NINL: variants seen among roughly 807,000 people sequenced by gnomAD.
NINL encodes ninein-like protein.
NINL carries 153 observed loss-of-function variants against 160.3 expected under a neutral mutation model. The observed-to-expected ratio is 0.95, with a 90% CI of 0.84 to 1.09. NINL has a LOEUF of 1.09. Among genes scored for constraint, NINL ranks in the 50% least tolerant of loss-of-function variants. NINL has a pLI of 0.00. For missense variants in NINL, 1,829 were observed against 1,764.0 expected (o/e 1.04, Z -0.66); for synonymous variants, 800 against 734.8 (o/e 1.09, Z -1.43).
intron 7 of NINL, among the ~76,000 whole-genome samples, chr20:25,503,442 GCACCTGAGCAGCACGTTCCT>G (rs1264120601): frequency 7.9e-6 from 1 of 125,828 alleles, no homozygotes; most frequent in African/African-American, 3.1e-5. Flanking sequence ...CAGGAGGTGG[GCACCTGAGCAGCACGTTCCT>G]CACCTGAGCA....
In NINL at chr20:25,453,280, C is replaced by T. The variant is rs2090576692; in HGVS notation, c.*171G>A. 1 of 503,692 alleles carries T rather than the reference C, an allele frequency of 2.0e-6. No homozygotes were observed. Among genetic ancestry groups the T allele is most frequent in the Admixed American group, 4.0e-5 (1 of 25,110 alleles). The allele number at this position is 503,692 out of a possible 1,614,324, so 31.2% of individuals were successfully genotyped here. On this transcript the variant is annotated 3_prime_UTR_variant, in exon 24 of 24. Coordinates refer to ENST00000278886, the MANE Select transcript of NINL (RefSeq NM_025176.6). Reference sequence around the variant, plus strand: ...AACATGCATATTCCCCCAGCCCCCACCTCCATCTTGCCCAGGGCAGACCAT... The same window carrying T: ...AACATGCATATTCCCCCAGCCCCCATCTCCATCTTGCCCAGGGCAGACCAT...
intron 1 of NINL, among the ~76,000 whole-genome samples, chr20:25,556,587 T>C (rs1050618708): frequency 6.6e-6 from 1 of 151,854 alleles, no homozygotes; most frequent in African/African-American, 2.4e-5. Context: ...ATCATGCCAC[T>C]GTACTCCAAC....
At chr20:25,480,873 C>T (rs1299416591) in intron 14 of NINL, among the ~76,000 whole-genome samples, 1 of 152,176 alleles carries the variant, frequency 6.6e-6, no homozygotes, top group African/African-American at 2.4e-5. Flanking sequence ...CCACAGGCAC[C>T]ACCCTGGGTG....
intron 1 of NINL, among the ~76,000 whole-genome samples, chr20:25,550,677 T>A (rs942281993): frequency 6.6e-6 from 1 of 152,208 alleles, no homozygotes; most frequent in African/African-American, 2.4e-5. Context: ...ATAGGCCAGA[T>A]TTATGTTTGA....
At chr20:25,505,397 C>T (rs67482703) in intron 5 of NINL, among the ~76,000 whole-genome samples, 11,394 of 151,798 alleles carry the variant, frequency 0.075, 576 homozygotes, top group African/African-American at 0.14. Flanking sequence ...ATGTACAGCA[C>T]GGTGACTACA....
intron 10 of NINL, 50 bp downstream of exon 10, chr20:25,496,613 G>A: frequency 6.2e-7 from 1 of 1,602,984 alleles, no homozygotes; most frequent in Non-Finnish European, 8.5e-7. Context: ...TGCCCTCAAA[G>A]GGGCTGGGGA....
intron 10 of NINL, among the ~76,000 whole-genome samples, chr20:25,495,458 T>C (rs945356049): frequency 6.6e-6 from 1 of 152,104 alleles, no homozygotes; most frequent in Non-Finnish European, 1.5e-5. Flanking sequence ...GTGTCTGTGT[T>C]GTGCAATGCA....
At chr20:25,576,589 G>A (rs958270660) in intron 1 of NINL, among the ~76,000 whole-genome samples, 1 of 152,090 alleles carries the variant, frequency 6.6e-6, no homozygotes, top group Non-Finnish European at 1.5e-5. Flanking sequence ...TTCTCAAGTA[G>A]CTTGAACCAC....
intron 1 of NINL, among the ~76,000 whole-genome samples, chr20:25,566,846 C>G (rs928578771): frequency 3.9e-5 from 6 of 152,010 alleles, no homozygotes; most frequent in Non-Finnish European, 7.4e-5. Context: ...CAAAGCAACA[C>G]CATTGTAACA....
Position 25,543,067 on chromosome 20 carries a change from A to C in NINL, c.-11-16469T>G, listed in dbSNP as rs556456609. On this transcript the variant is annotated intron_variant, in intron 1 of 23. Coordinates refer to ENST00000278886, the MANE Select transcript of NINL (RefSeq NM_025176.6). Reference sequence around the variant, plus strand: ...AAAAAAAAAAAAAGAAAGAAAAGAAAAAGAAATATGGCTTATGGTTTATTA... The same window carrying C: ...AAAAAAAAAAAAAGAAAGAAAAGAACAAGAAATATGGCTTATGGTTTATTA... Among the ~76,000 whole-genome samples the C allele has an allele frequency of 7.0e-4, 106 of 152,098 alleles. 1 individual carries two copies. The highest frequency in any genetic ancestry group is 2.9e-4 in the Non-Finnish European group (20 of 67,982).
chr20:25,457,740 G>A (rs1220945054), intron 22 of NINL, among the ~76,000 whole-genome samples: 1 of 152,216 alleles, frequency 6.6e-6, no homozygotes, highest in African/African-American at 2.4e-5. Context: ...AATTTCAGGA[G>A]TGAGTTATTC....
In NINL at chr20:25,480,205, C is replaced by T. The variant is rs752966589; in HGVS notation, c.1873G>A (p.Val625Ile). 1.1e-5 allele frequency: 17 copies of T among 1,614,116 alleles called. No individual in the cohort carries two copies. The highest frequency in any genetic ancestry group is 3.3e-5 in the South Asian group (3 of 91,076). The change falls in exon 15 of 24, where the codon GTA (valine) becomes ATA (isoleucine). Residue 625 changes from valine to isoleucine, a missense_variant. By Grantham distance (29) the Val-to-Ile change is conservative (BLOSUM62 3). Transcript: ENST00000278886. ...CTGAGGTCTTGGTAATGCTCCTTTA[C>T]CTGCTCCATCATCAGCTCCGTTTCT... ...SIETELMMEQ[V>I]KEHYQDLRTQ... is the part of the protein sequence containing the mutation.
rs760328589 is a variant in NINL, at chr20:25,479,042, C to T, written c.2082G>A (p.Gln694=). The change falls in exon 16 of 24, where the codon CAG becomes CAA. Residue 694 remains glutamine (Q), a synonymous_variant. Coordinates refer to ENST00000278886, the MANE Select transcript of NINL (RefSeq NM_025176.6). ...EKSQEVIWGL[Q]EQLQDTARGP... ...CGCGGGCTGTGTCCTGCAGCTGCTC[C>T]TGCAGGCCCCAGATGACCTCCTGAG... The T allele has an allele frequency of 1.2e-5, 19 of 1,611,502 alleles. No homozygotes were observed. Among genetic ancestry groups the T allele is most frequent in the Non-Finnish European group, 1.4e-5 (16 of 1,180,022 alleles).
chr20:25,559,003 G>A (rs983311011), intron 1 of NINL, among the ~76,000 whole-genome samples: 1 of 152,128 alleles, frequency 6.6e-6, no homozygotes, highest in Non-Finnish European at 1.5e-5. Context: ...ATTCTCCAGC[G>A]TTTCACATGT....
intron 2 of NINL, among the ~76,000 whole-genome samples, chr20:25,519,956 A>G (rs903263693): frequency 7.3e-6 from 1 of 137,838 alleles, no homozygotes; most frequent in Non-Finnish European, 1.5e-5. Flanking sequence ...GTGAGCCAAG[A>G]TCATGCCTGG....
chr20:25,542,436 T>C (rs1191301258), intron 1 of NINL, among the ~76,000 whole-genome samples: 4 of 151,528 alleles, frequency 2.6e-5, no homozygotes, highest in East Asian at 3.9e-4. Context: ...AGAAGAAGAA[T>C]GGGGCAGAAA....
intron 1 of NINL, among the ~76,000 whole-genome samples, chr20:25,537,779 G>C (rs2064585850): frequency 6.6e-6 from 1 of 152,158 alleles, no homozygotes; most frequent in South Asian, 2.1e-4. Context: ...CATTGTGGGG[G>C]GCGCAGCTGC....
chr20:25,503,642 T>C (rs185243454), intron 7 of NINL, among the ~76,000 whole-genome samples: 2 of 151,694 alleles, frequency 1.3e-5, no homozygotes, highest in East Asian at 1.9e-4. Flanking sequence ...CAGCTGAGCA[T>C]TGCCTTCTGT....
chr20:25,574,817 G>A (rs2065096191), intron 1 of NINL, among the ~76,000 whole-genome samples: 2 of 150,944 alleles, frequency 1.3e-5, no homozygotes, highest in South Asian at 4.2e-4. Flanking sequence ...CTGAAAAAAT[G>A]TCACATGCAA....
Sources: allele counts gnomAD v4.1 joint callset (sites outside exome capture counted in the v4.1 genomes callset), GRCh38; gene constraint gnomAD v4.1.1; transcripts MANE v1.5; gene names NCBI Gene and HGNC (gene_info 2026-07-23, HGNC 2026-07-21).